Variants in PTPRD observed in about 807,000 individuals in gnomAD.
The protein encoded by PTPRD is receptor-type tyrosine-protein phosphatase delta.
Under a neutral mutation model 214.5 loss-of-function variants are expected in PTPRD, and 34 were observed. The observed-to-expected ratio is 0.16, with a 90% CI of 0.12 to 0.21. The LOEUF (loss-of-function observed/expected upper bound fraction) is 0.21, where lower values mean the gene tolerates loss of function less well. Among genes scored for constraint, PTPRD ranks in the 10% least tolerant of loss-of-function variants. The pLI is 1.00. For missense variants in PTPRD, 2,545 were observed against 2,398.7 expected (o/e 1.06, Z -1.27); for synonymous variants, 1,128 against 845.7 (o/e 1.33, Z -5.79).
intron 3 of PTPRD, among the ~76,000 whole-genome samples, chr9:10,329,254 T>C (rs76459988): frequency 0.022 from 3,282 of 151,094 alleles, 133 homozygotes; most frequent in African/African-American, 0.075. Context: ...TGGTTGCTTT[T>C]TGTTTGCCTG....
At chr9:10,481,309 G>C (rs2099096302) in intron 2 of PTPRD, among the ~76,000 whole-genome samples, 3 of 152,050 alleles carry the variant, frequency 2.0e-5, no homozygotes, top group Admixed American at 2.0e-4. Flanking sequence ...ATAATAAAAA[G>C]TAAAACAAAA....
intron 9 of PTPRD, among the ~76,000 whole-genome samples, chr9:9,321,464 A>G (rs564316180): frequency 1.3e-5 from 2 of 151,062 alleles, no homozygotes; most frequent in Admixed American, 6.6e-5. Context: ...CTGAGGCAAG[A>G]GAATGGCTTG....
intron 8 of PTPRD, among the ~76,000 whole-genome samples, chr9:9,497,900 A>G (rs776371288): frequency 5.9e-5 from 9 of 152,180 alleles, no homozygotes; most frequent in Non-Finnish European, 8.8e-5. Context: ...TTCACATATC[A>G]GGGCCTCAGT....
chr9:10,167,464 A>T (rs1376349803), intron 3 of PTPRD, among the ~76,000 whole-genome samples: 1 of 152,194 alleles, frequency 6.6e-6, no homozygotes, highest in Non-Finnish European at 1.5e-5. Context: ...TGTATTACAA[A>T]GTACAGGAGA....
intron 12 of PTPRD, among the ~76,000 whole-genome samples, chr9:8,730,966 A>G (rs764385066): frequency 2.0e-5 from 3 of 152,232 alleles, no homozygotes; most frequent in Non-Finnish European, 4.4e-5. Context: ...GAAATCAGAT[A>G]CAAACACACG....
At chr9:10,516,469 T>A (rs954220930) in intron 2 of PTPRD, among the ~76,000 whole-genome samples, 4 of 152,108 alleles carry the variant, frequency 2.6e-5, no homozygotes, top group African/African-American at 9.6e-5. Context: ...ATATTAAAAA[T>A]TAAACCTTTA....
intron 2 of PTPRD, among the ~76,000 whole-genome samples, chr9:10,584,490 C>T (rs897588313): frequency 3.3e-5 from 5 of 152,164 alleles, no homozygotes; most frequent in African/African-American, 1.2e-4. Context: ...GTAGAGTCTA[C>T]TGTAGTTCCA....
intron 10 of PTPRD, among the ~76,000 whole-genome samples, chr9:9,134,369 G>A (rs1435673841): frequency 7.3e-6 from 1 of 136,894 alleles, no homozygotes; most frequent in African/African-American, 3.3e-5. Flanking sequence ...CACCGCGCCC[G>A]TAGAATCATT....
chr9:10,443,329 C>T lies in PTPRD; in HGVS notation c.-599-102312G>A, dbSNP rs114569974. On this transcript the variant is annotated intron_variant, in intron 2 of 45. Coordinates refer to ENST00000381196, the MANE Select transcript of PTPRD (RefSeq NM_002839.4). ...ATGATAAATTGGGTTTATGGTGAGC[C>T]GCTACATTCAATCTATGGTAGTAAA... is the stretch of plus-strand genomic sequence containing the variant. Among the ~76,000 whole-genome samples the T allele has an allele frequency of 6.1e-3, 928 of 151,606 alleles. 8 individuals carry two copies. The highest frequency in any genetic ancestry group is 0.021 in the African/African-American group (869 of 41,434).
chr9:8,692,468 C>T (rs1306109515), intron 12 of PTPRD, among the ~76,000 whole-genome samples: 7 of 152,184 alleles, frequency 4.6e-5, no homozygotes, highest in Non-Finnish European at 4.4e-5. Flanking sequence ...CATTTCCAAT[C>T]ACATCCCATT....
intron 11 of PTPRD, among the ~76,000 whole-genome samples, chr9:8,739,783 G>C (rs1209620632): frequency 2.0e-5 from 3 of 152,128 alleles, no homozygotes. Context: ...GGACCCAGTG[G>C]GAGATAACTG....
chr9:9,539,524 T>G (rs1224252564), intron 8 of PTPRD, among the ~76,000 whole-genome samples: 1 of 151,894 alleles, frequency 6.6e-6, no homozygotes, highest in East Asian at 1.9e-4. Context: ...AGAGTCCTAG[T>G]TAGGCTTTGA....
At chr9:9,512,380 C>T (rs2096730640) in intron 8 of PTPRD, among the ~76,000 whole-genome samples, 1 of 151,710 alleles carries the variant, frequency 6.6e-6, no homozygotes, top group Non-Finnish European at 1.5e-5. Flanking sequence ...AAAATATAAT[C>T]TTTTTAAAGA....
chr9:9,860,009 T>G (rs2062376264), intron 5 of PTPRD, among the ~76,000 whole-genome samples: 1 of 151,936 alleles, frequency 6.6e-6, no homozygotes, highest in Non-Finnish European at 1.5e-5. Context: ...TCTGGTACAA[T>G]TCAAATAATA....
intron 3 of PTPRD, among the ~76,000 whole-genome samples, chr9:10,224,081 C>T (rs2099580732): frequency 1.3e-5 from 2 of 151,750 alleles, no homozygotes; most frequent in African/African-American, 4.8e-5. Flanking sequence ...AATATTAAGT[C>T]TATGAAGATA....
chr9:8,536,791 G>C (rs536647663), intron 14 of PTPRD, among the ~76,000 whole-genome samples: 26 of 151,938 alleles, frequency 1.7e-4, no homozygotes, highest in African/African-American at 6.3e-4. Flanking sequence ...GGGCCACAAG[G>C]TCCCTCTTCG....
At chr9:8,921,105 C>T (rs1032332638) in intron 11 of PTPRD, among the ~76,000 whole-genome samples, 3 of 152,180 alleles carry the variant, frequency 2.0e-5, no homozygotes, top group Non-Finnish European at 4.4e-5. Context: ...TGAACCACCG[C>T]GTCTGGCCGA....
chr9:8,799,296 A>G (rs779865537), intron 11 of PTPRD, among the ~76,000 whole-genome samples: 20 of 152,172 alleles, frequency 1.3e-4, no homozygotes, highest in Non-Finnish European at 2.6e-4. Flanking sequence ...ATAATGCTAG[A>G]AAGTGTTTCA....
rs545886124 is a variant in PTPRD, at chr9:8,971,525, T to C, written c.-104+47172A>G. On this transcript the variant is annotated intron_variant, in intron 11 of 45. Coordinates refer to ENST00000381196, the MANE Select transcript of PTPRD (RefSeq NM_002839.4). ...AAAGTTATTGTGAATATTAAATGAA[T>C]TGATATAGGTAAGTGTTTAGGATGA... Among the ~76,000 whole-genome samples the C allele has an allele frequency of 3.3e-5, 5 of 151,778 alleles. No individual in the cohort carries two copies. The South Asian group carries it at 1.0e-3, about 31-fold the overall frequency.
Sources: allele counts gnomAD v4.1 joint callset (sites outside exome capture counted in the v4.1 genomes callset), GRCh38; gene constraint gnomAD v4.1.1; transcripts MANE v1.5; gene names NCBI Gene and HGNC (gene_info 2026-07-23, HGNC 2026-07-21).